The following PRKCB variants were observed in gnomAD, a reference collection of about 807,000 sequenced individuals.
PRKCB encodes protein kinase C beta.
PRKCB carries 13 observed loss-of-function variants against 81.5 expected under a neutral mutation model. That is an observed-to-expected ratio of 0.16 (90% confidence interval 0.10 to 0.25). The LOEUF is 0.25. Ranked by LOEUF, PRKCB falls within the 10% of genes least tolerant of loss-of-function variation. PRKCB has a pLI of 1.00. For synonymous variants in PRKCB, 335 were observed against 321.4 expected (o/e 1.04, Z -0.45); for missense variants, 509 against 875.7 (o/e 0.58, Z 5.29).
At chr16:23,881,705 C>T in intron 2 of PRKCB, among the ~76,000 whole-genome samples, 1 of 151,702 alleles carries the variant, frequency 6.6e-6, no homozygotes, top group Admixed American at 6.6e-5. Flanking sequence ...TAAAATTTAC[C>T]ATCTTAACTA....
At chr16:24,086,506 C>A (rs953578888) in intron 5 of PRKCB, among the ~76,000 whole-genome samples, 1 of 152,150 alleles carries the variant, frequency 6.6e-6, no homozygotes, top group Non-Finnish European at 1.5e-5. Context: ...TTTCTGGGTT[C>A]TATGATGCAA....
intron 11 of PRKCB, among the ~76,000 whole-genome samples, chr16:24,173,365 C>A (rs1967475081): frequency 2.6e-5 from 4 of 152,114 alleles, no homozygotes; most frequent in Admixed American, 1.3e-4. Flanking sequence ...TTTCTAAGAT[C>A]TTATTGCCTC....
At chr16:24,158,776 G>A (rs8043961) in intron 10 of PRKCB, among the ~76,000 whole-genome samples, 147 of 151,814 alleles carry the variant, frequency 9.7e-4, no homozygotes, top group African/African-American at 3.3e-3. Context: ...CTCCTGCCTC[G>A]GCCTCCCTAG....
At position 23,836,358 on chromosome 16, in the gene PRKCB, C is replaced by G. The variant is rs200229369; in HGVS notation, c.173+10C>G. On this transcript the variant is annotated intron_variant, in intron 1 of 16. Transcript: ENST00000643927. ...GCACCGACTTCATCTGGTGAGCGCG[C>G]GCGCGCAGGGCACCTTCCCGGGCCC... 146 of 1,596,110 alleles carry G rather than the reference C, an allele frequency of 9.1e-5. No homozygotes were observed. In the African/African-American group the frequency reaches 1.8e-3, roughly 20 times the overall value.
At chr16:24,162,442 CT>C (rs564543744) in intron 10 of PRKCB, among the ~76,000 whole-genome samples, 2,605 of 68,570 alleles carry the variant, frequency 0.038, 17 homozygotes, top group Middle Eastern at 0.074. Context: ...ACAGAGAAGA[CT>C]TTTTTTTTTT....
At chr16:23,851,568 T>A (rs189873898) in intron 2 of PRKCB, among the ~76,000 whole-genome samples, 1 of 152,290 alleles carries the variant, frequency 6.6e-6, no homozygotes, top group East Asian at 1.9e-4. Context: ...CTATTTGGGG[T>A]CTTTTGTGGT....
chr16:24,153,367 G>C (rs8061655), intron 9 of PRKCB, among the ~76,000 whole-genome samples: 2,514 of 152,282 alleles, frequency 0.017, 85 homozygotes, highest in African/African-American at 0.056. Flanking sequence ...GTAACAATAA[G>C]TGAAAACCTG....
chr16:23,979,145 C>T (rs1964661620), intron 2 of PRKCB, among the ~76,000 whole-genome samples: 1 of 152,156 alleles, frequency 6.6e-6, no homozygotes. Context: ...CATAACAACT[C>T]TATGAGGAAA....
At chr16:23,978,346 C>T (rs196015) in intron 2 of PRKCB, among the ~76,000 whole-genome samples, 119,843 of 152,046 alleles carry the variant, frequency 0.79, 48,147 homozygotes, top group East Asian at 0.99. Flanking sequence ...CAGGCCTAGC[C>T]TCTGCAGGCA....
chr16:23,887,599 G>A (rs1177008459), intron 2 of PRKCB, among the ~76,000 whole-genome samples: 2 of 152,110 alleles, frequency 1.3e-5, no homozygotes, highest in Admixed American at 1.3e-4. Context: ...ATCCATTGTT[G>A]ATGGGCACCT....
chr16:24,190,116 TA>T (rs1364408340), intron 15 of PRKCB, among the ~76,000 whole-genome samples: 1 of 152,322 alleles, frequency 6.6e-6, no homozygotes, highest in Non-Finnish European at 1.5e-5. Context: ...AGGGTTTTGA[TA>T]ATTAAGTAAT....
At chr16:23,900,815 C>G (rs10775269) in intron 2 of PRKCB, among the ~76,000 whole-genome samples, 1 of 144,192 alleles carries the variant, frequency 6.9e-6, no homozygotes, top group Non-Finnish European at 1.5e-5. Flanking sequence ...GCATAACAAA[C>G]AGTGCTGGAG....
At chr16:23,965,888 G>A (rs1475683352) in intron 2 of PRKCB, among the ~76,000 whole-genome samples, 1 of 152,204 alleles carries the variant, frequency 6.6e-6, no homozygotes, top group Non-Finnish European at 1.5e-5. Flanking sequence ...CTGGTGCTGT[G>A]GCACCACAAA....
intron 2 of PRKCB, among the ~76,000 whole-genome samples, chr16:23,861,017 G>A (rs1484897886): frequency 6.6e-6 from 1 of 152,120 alleles, no homozygotes; most frequent in Non-Finnish European, 1.5e-5. Flanking sequence ...TCCCTTTTAA[G>A]CTAAAAGAAT....
chr16:24,196,288 G>A (rs1475889575), intron 16 of PRKCB, among the ~76,000 whole-genome samples: 2 of 152,204 alleles, frequency 1.3e-5, no homozygotes, highest in Non-Finnish European at 2.9e-5. Flanking sequence ...ACATAAAGGA[G>A]TCTTTTGGGA....
chr16:24,083,915 G>A (rs982733466), intron 5 of PRKCB, among the ~76,000 whole-genome samples: 1 of 152,112 alleles, frequency 6.6e-6, no homozygotes, highest in African/African-American at 2.4e-5. Flanking sequence ...CAGAGAGAGA[G>A]AAGAGAGAGA....
intron 2 of PRKCB, chr16:23,892,962 A>G (rs1963318322): frequency 1.5e-5 from 2 of 133,054 alleles, no homozygotes; most frequent in Admixed American, 7.2e-5. Flanking sequence ...TTTTTTTAAC[A>G]GGATTGGATG....
In PRKCB at chr16:24,042,928, G is replaced by A. The variant is rs547700078; in HGVS notation, c.529+7381G>A. Among the ~76,000 whole-genome samples the A allele has an allele frequency of 6.6e-5, 10 of 152,014 alleles. No homozygotes were observed. The South Asian group carries it at 1.9e-3, about 29-fold the overall frequency. On this transcript the variant is annotated intron_variant, in intron 5 of 16. Coordinates refer to ENST00000643927, the MANE Select transcript of PRKCB (RefSeq NM_002738.7). ...AATTTTTGTAGTTTTGTAGAGATGGGGTTTTGCCATGTTGCCTAGGCTGGT... is the reference window on the plus strand; with the variant it reads ...AATTTTTGTAGTTTTGTAGAGATGGAGTTTTGCCATGTTGCCTAGGCTGGT...
At position 23,922,233 on chromosome 16, in the gene PRKCB, G is replaced by A. The variant is rs563919700; in HGVS notation, c.206-66275G>A. 3.3e-5 allele frequency among the ~76,000 whole-genome samples: 5 copies of A among 152,294 alleles called. No homozygotes were observed. In the South Asian group the frequency reaches 1.0e-3, roughly 32 times the overall value. On this transcript the variant is annotated intron_variant, in intron 2 of 16. Transcript: ENST00000643927. ...GGCAGGAGACCTAAATGAGTGAAGTGGGTGGGTATAAAACAGAGGTGGTGG... is the reference window on the plus strand; with the variant it reads ...GGCAGGAGACCTAAATGAGTGAAGTAGGTGGGTATAAAACAGAGGTGGTGG...
Sources: allele counts gnomAD v4.1 joint callset (sites outside exome capture counted in the v4.1 genomes callset), GRCh38; gene constraint gnomAD v4.1.1; transcripts MANE v1.5; gene names NCBI Gene and HGNC (gene_info 2026-07-23, HGNC 2026-07-21).